The following SNX20 variants were observed in gnomAD, a reference collection of about 807,000 sequenced individuals.
The protein encoded by SNX20 is sorting nexin 20, also known as sorting nexin-20.
Under a neutral mutation model 24.5 loss-of-function variants are expected in SNX20, and 21 were observed. The observed-to-expected ratio is 0.86, with a 90% CI of 0.61 to 1.23. The LOEUF (loss-of-function observed/expected upper bound fraction) is 1.23, where lower values mean the gene tolerates loss of function less well. SNX20 is among the 50% of genes most tolerant of loss of function. SNX20 has a pLI of 0.00. For synonymous variants in SNX20, 206 were observed against 192.8 expected (o/e 1.07, Z -0.57); for missense variants, 433 against 430.8 (o/e 1.00, Z -0.04).
chr16:50,667,721 A>G, downstream of SNX20: 1 of 436,582 alleles, frequency 2.3e-6, no homozygotes, highest in Non-Finnish European at 4.1e-6. Context: ...TGCTGCTCCA[A>G]AACAGAGTTC....
At chr16:50,674,118 G>T in intron 3 of SNX20, 44 bp from the exon 4 acceptor site, 1 of 1,543,116 alleles carries the variant, frequency 6.5e-7, no homozygotes, top group Non-Finnish European at 8.7e-7. Flanking sequence ...CCCGGCGGGG[G>T]CTGCGGCGGA....
At chr16:50,675,438 AAAAT>A (rs1412052547) in intron 3 of SNX20, among the ~76,000 whole-genome samples, 1 of 152,244 alleles carries the variant, frequency 6.6e-6, no homozygotes, top group Non-Finnish European at 1.5e-5. Context: ...TTTAAAGAAA[AAAAT>A]AAGTAATAAT....
chr16:50,670,294 C>T (rs1047034987), downstream of SNX20: 2 of 152,202 alleles, frequency 1.3e-5, no homozygotes, highest in African/African-American at 4.8e-5. Context: ...GCCTTCAAGT[C>T]AGTTCAACAC....
downstream of SNX20, chr16:50,670,951 C>T (rs1963034418): frequency 6.6e-6 from 1 of 152,198 alleles, no homozygotes; most frequent in African/African-American, 2.4e-5. Context: ...CTGAATAAAT[C>T]CATTTCCTGT....
intron 2 of SNX20, among the ~76,000 whole-genome samples, chr16:50,676,405 A>G (rs1046897066): frequency 1.3e-5 from 2 of 151,988 alleles, no homozygotes; most frequent in African/African-American, 2.4e-5. Flanking sequence ...TAACCTTCTC[A>G]TCTAACTGCC....
chr16:50,670,251 T>C (rs8059649), downstream of SNX20: 6,191 of 152,438 alleles, frequency 0.041, 321 homozygotes, highest in East Asian at 0.14. Context: ...GGACCACAGA[T>C]GGCCCAGTTC....
chr16:50,678,032 C>G (rs1468181235), intron 1 of SNX20, among the ~76,000 whole-genome samples: 1 of 151,354 alleles, frequency 6.6e-6, no homozygotes, highest in East Asian at 1.9e-4. Context: ...TGTAGTGAGA[C>G]CCCGTCTCTA....
Position 50,677,392 on chromosome 16 carries a change from C to A in SNX20, c.130+5G>T. 6.3e-7 allele frequency: 1 copy of A among 1,581,784 alleles called. No homozygotes were observed. ...CCCAGACCGAGTCTCAAGCCTCAAG[C>A]CCACCTAAGTGCCCGTCAGGTCCTG... On this transcript the variant is annotated splice_donor_5th_base_variant and intron_variant, in intron 2 of 3. Transcript: ENST00000330943.
At chr16:50,669,272 C>G (rs910838683), downstream of SNX20, 7 of 630,796 alleles carry the variant, frequency 1.1e-5, no homozygotes, top group African/African-American at 1.1e-4. Context: ...CACAGTTGTG[C>G]AGGTTGTACA....
Position 50,673,928 on chromosome 16 carries a change from C to T in SNX20, c.429G>A (p.Lys143=), listed in dbSNP as rs757394648. 6.2e-6 allele frequency: 10 copies of T among 1,612,502 alleles called. No homozygotes were observed. The Admixed American group carries it at 1.2e-4, about 19-fold the overall frequency. Residue 143 remains lysine, a synonymous_variant, in exon 4 of 4, where the codon AAG becomes AAA. Transcript: ENST00000330943. This position sits in a 1 kb window ranked among gnomAD's most constrained non-coding sequence, Gnocchi z 4.1. ...EEIEDVEFPR[K]HLTGNFAEEM... ...CCTCAGCGAAGTTCCCAGTCAGGTG[C>T]TTCCTGGGAAACTCCACGTCTTCGA...
chr16:50,674,280 C>T (rs1411558413), intron 3 of SNX20, among the ~76,000 whole-genome samples: 1 of 151,764 alleles, frequency 6.6e-6, no homozygotes, highest in Non-Finnish European at 1.5e-5. Context: ...GACAGGGTCT[C>T]GCACTGTTAC....
At chr16:50,675,665 T>C (rs1963163134) in intron 3 of SNX20, 105 bp downstream of exon 3, 5 of 1,430,052 alleles carry the variant, frequency 3.5e-6, no homozygotes, top group Admixed American at 2.2e-5. Context: ...AGTTAGTGTG[T>C]TGACCCATTT....
At chr16:50,679,695 A>C (rs1389944065) in intron 1 of SNX20, among the ~76,000 whole-genome samples, 1 of 152,180 alleles carries the variant, frequency 6.6e-6, no homozygotes, top group Non-Finnish European at 1.5e-5. Context: ...CCTACCTGAT[A>C]AATGTGGCTA....
chr16:50,679,428 TC>T (rs1963250463), intron 1 of SNX20, among the ~76,000 whole-genome samples: 1 of 152,144 alleles, frequency 6.6e-6, no homozygotes, highest in Admixed American at 6.5e-5. Flanking sequence ...CCTGGGGCCT[TC>T]TCCGTTTGGC....
intron 1 of SNX20, among the ~76,000 whole-genome samples, chr16:50,680,603 G>A (rs1963276599): frequency 6.6e-6 from 1 of 152,168 alleles, no homozygotes; most frequent in Admixed American, 6.5e-5. Context: ...GCCTCTAGGG[G>A]GTGAAATAAA....
downstream of SNX20, chr16:50,666,663 G>T (rs1411543992): frequency 6.6e-6 from 1 of 152,318 alleles, no homozygotes; most frequent in Non-Finnish European, 1.5e-5. Flanking sequence ...TTCTGCCCAA[G>T]TCTGCCCTGA....
At chr16:50,674,859 A>G (rs1356126469) in intron 3 of SNX20, among the ~76,000 whole-genome samples, 1 of 152,180 alleles carries the variant, frequency 6.6e-6, no homozygotes, top group Non-Finnish European at 1.5e-5. Flanking sequence ...GATTACGGGC[A>G]ATTATATATT....
At chr16:50,679,469 AG>A (rs1963251604) in intron 1 of SNX20, among the ~76,000 whole-genome samples, 1 of 152,182 alleles carries the variant, frequency 6.6e-6, no homozygotes, top group Non-Finnish European at 1.5e-5. Flanking sequence ...GGCGGCCCTC[AG>A]GGACCCTCGA....
downstream of SNX20, chr16:50,669,421 C>T (rs545529545): frequency 7.5e-6 from 3 of 399,216 alleles, no homozygotes; most frequent in Non-Finnish European, 1.4e-5. Context: ...AACCAGCTCT[C>T]ATGTAAACTA....
Sources: allele counts gnomAD v4.1 joint callset (sites outside exome capture counted in the v4.1 genomes callset), GRCh38; gene constraint gnomAD v4.1.1; non-coding constraint Gnocchi (gnomAD v3.1); transcripts MANE v1.5; gene names NCBI Gene and HGNC (gene_info 2026-07-23, HGNC 2026-07-21).